The following CSGALNACT1 variants were observed in gnomAD, a reference collection of about 807,000 sequenced individuals.
The protein encoded by CSGALNACT1 is beta4GalNAcT-1.
A neutral mutation model predicts 51.0 loss-of-function variants in CSGALNACT1; 52 were observed. The observed-to-expected ratio is 1.02, with a 90% CI of 0.82 to 1.29. The LOEUF is 1.29. Ranked by LOEUF, CSGALNACT1 falls within the 50% of genes most tolerant of loss-of-function variation. The pLI is 0.00. For synonymous variants in CSGALNACT1, 341 were observed against 254.4 expected, an observed-to-expected ratio of 1.34 and a Z score of -3.24; for missense variants, 935 against 679.2, an observed-to-expected ratio of 1.38 and a Z score of -4.19.
intron 1 of CSGALNACT1, among the ~76,000 whole-genome samples, chr8:19,721,982 A>C (rs1000576725): frequency 6.6e-6 from 1 of 151,784 alleles, no homozygotes; most frequent in Non-Finnish European, 1.5e-5. Context: ...TCAGCTCCCA[A>C]TACCTAGTAA....
At chr8:19,524,255 C>A (rs753333382) in intron 3 of CSGALNACT1, among the ~76,000 whole-genome samples, 9 of 152,120 alleles carry the variant, frequency 5.9e-5, no homozygotes, top group Non-Finnish European at 8.8e-5. Context: ...CATCTCACCC[C>A]AGCCTGGGCA....
chr8:19,585,388 T>C (rs1206337714), intron 3 of CSGALNACT1: 1 of 152,214 alleles, frequency 6.6e-6, no homozygotes, highest in Non-Finnish European at 1.5e-5. Context: ...ATCAAAGCAC[T>C]CATGGGCCAC....
chr8:19,467,110 CTTTTTTTT>C (rs10604359), intron 4 of CSGALNACT1, among the ~76,000 whole-genome samples: 6 of 53,288 alleles, frequency 1.1e-4, no homozygotes, highest in African/African-American at 4.3e-4. Flanking sequence ...TAGCAGCTGA[CTTTTTTTT>C]TTTTTTTTTT....
chr8:19,447,073 T>C (rs745896134), intron 5 of CSGALNACT1, among the ~76,000 whole-genome samples: 15 of 152,212 alleles, frequency 9.9e-5, no homozygotes, highest in Non-Finnish European at 1.6e-4. Context: ...GTTATGAATC[T>C]GCACGCCTGC....
At chr8:19,509,924 C>A (rs533225412) in intron 3 of CSGALNACT1, among the ~76,000 whole-genome samples, 14 of 152,154 alleles carry the variant, frequency 9.2e-5, no homozygotes, top group African/African-American at 2.2e-4. Flanking sequence ...AGAAAGGCAC[C>A]CACATTTTTA....
At position 19,666,887 on chromosome 8, in the gene CSGALNACT1, G is replaced by GAAAGAAAGAA. The variant is rs1554794643; in HGVS notation, c.-544+15585_-544+15586insTTCTTTCTTT. Among the ~76,000 whole-genome samples the GAAAGAAAGAA allele has an allele frequency of 5.6e-5, 7 of 125,110 alleles. 1 individual carries two copies. In the East Asian group the frequency reaches 7.5e-4, roughly 13 times the overall value. 82.1% of individuals were successfully genotyped at this position (125,110 alleles called of 152,430 possible). A position where few individuals can be genotyped will look rare whatever the true frequency, so the allele number is the denominator to read the frequency against. ...AAAGAAAGAAAGAAAGAAAGAAAGAGAGAGAGGAAGTGAGGAAGGGAGGAA... is the reference window on the plus strand; with the variant it reads ...AAAGAAAGAAAGAAAGAAAGAAAGAGAAAGAAAGAAAGAGAGGAAGTGAGGAAGGGAGGAA... On this transcript the variant is annotated intron_variant, in intron 1 of 9. Transcript: ENST00000332246.
At chr8:19,720,178 C>G (rs934691971) in intron 1 of CSGALNACT1, among the ~76,000 whole-genome samples, 4 of 152,226 alleles carry the variant, frequency 2.6e-5, no homozygotes, top group African/African-American at 4.8e-5. Context: ...TCTCCTAGCA[C>G]AAGAGAAGTG....
intron 1 of CSGALNACT1, among the ~76,000 whole-genome samples, chr8:19,750,910 G>C (rs1179225370): frequency 6.6e-6 from 1 of 152,072 alleles, no homozygotes; most frequent in Non-Finnish European, 1.5e-5. Flanking sequence ...ACCTTGATCG[G>C]AAGTTAGATG....
intron 3 of CSGALNACT1, among the ~76,000 whole-genome samples, chr8:19,582,791 C>T (rs1296388213): frequency 6.6e-6 from 1 of 152,130 alleles, no homozygotes; most frequent in Non-Finnish European, 1.5e-5. Context: ...AAATCAGTAG[C>T]CCCTGTGTAT....
At chr8:19,583,863 C>A (rs2046092972) in intron 3 of CSGALNACT1, among the ~76,000 whole-genome samples, 1 of 152,210 alleles carries the variant, frequency 6.6e-6, no homozygotes, top group African/African-American at 2.4e-5. Flanking sequence ...CTTCCCAAAT[C>A]TGTTGCCCAC....
chr8:19,631,593 A>C (rs1417249613), intron 1 of CSGALNACT1, among the ~76,000 whole-genome samples: 1 of 152,260 alleles, frequency 6.6e-6, no homozygotes, highest in Non-Finnish European at 1.5e-5. Flanking sequence ...TTGCTGAAGG[A>C]AAGGCTGATA....
chr8:19,555,609 C>G lies in CSGALNACT1; in HGVS notation c.-297+35551G>C, dbSNP rs550237530. On this transcript the variant is annotated intron_variant, in intron 3 of 9. Coordinates refer to ENST00000454498, the Ensembl canonical transcript of CSGALNACT1. ...CTTGACACTGGCTCAACTGGAAACA[C>G]CTGTGAGCATCAAAGCACATCTCTG... 2.0e-5 allele frequency among the ~76,000 whole-genome samples: 3 copies of G among 152,264 alleles called. No individual in the cohort carries two copies. In the South Asian group the frequency reaches 6.2e-4, roughly 32 times the overall value.
upstream of CSGALNACT1, among the ~76,000 whole-genome samples, chr8:19,603,226 C>T (rs962521146): frequency 1.3e-5 from 2 of 152,222 alleles, no homozygotes; most frequent in Non-Finnish European, 2.9e-5. Context: ...CCCAGTTCCT[C>T]CATGGGGATG....
At chr8:19,446,518 T>TTCATTCAC (rs2062144517) in intron 5 of CSGALNACT1, among the ~76,000 whole-genome samples, 1 of 152,110 alleles carries the variant, frequency 6.6e-6, no homozygotes, top group Admixed American at 6.5e-5. Context: ...CATTCATTCA[T>TTCATTCAC]TCATTCACTC....
At chr8:19,684,385 A>T (rs2060850634), upstream of CSGALNACT1, among the ~76,000 whole-genome samples, 1 of 152,212 alleles carries the variant, frequency 6.6e-6, no homozygotes, top group African/African-American at 2.4e-5. Context: ...TCTGCTCCCA[A>T]ACATTCACCA....
Position 19,421,665 on chromosome 8 carries a change from G to A in CSGALNACT1, c.954-1147C>T, listed in dbSNP as rs376933380. ...AGTTTGCATTCCAAGTACCCGTCTC[G>A]GGTAAAGGCCAACGCAAACATAGAG... On this transcript the variant is annotated intron_variant, in intron 6 of 9. Coordinates refer to ENST00000454498, the Ensembl canonical transcript of CSGALNACT1. 6.2e-4 allele frequency among the ~76,000 whole-genome samples: 94 copies of A among 152,298 alleles called. 1 individual carries two copies. The South Asian group carries it at 0.017, about 28-fold the overall frequency.
chr8:19,716,176 G>A (rs1469451596), intron 1 of CSGALNACT1, among the ~76,000 whole-genome samples: 1 of 151,902 alleles, frequency 6.6e-6, no homozygotes, highest in Non-Finnish European at 1.5e-5. Flanking sequence ...TTGTAATCTT[G>A]CTCCCGTCCC....
intron 2 of CSGALNACT1, among the ~76,000 whole-genome samples, chr8:19,596,731 A>G (rs937595274): frequency 6.6e-6 from 1 of 152,198 alleles, no homozygotes; most frequent in Non-Finnish European, 1.5e-5. Flanking sequence ...AGCTCAAACC[A>G]TGAACTCTAA....
At chr8:19,708,850 C>T (rs1324265393) in intron 1 of CSGALNACT1, among the ~76,000 whole-genome samples, 6 of 152,128 alleles carry the variant, frequency 3.9e-5, no homozygotes, top group Admixed American at 3.9e-4. Flanking sequence ...AGGTCTGGTG[C>T]CCTCTCTTGT....
Sources: gnomAD v4.1 joint callset for allele counts (sites outside exome capture counted in the v4.1 genomes callset) on GRCh38, gnomAD v4.1.1 for gene constraint, MANE v1.5 for transcripts, NCBI Gene and HGNC (gene_info 2026-07-23, HGNC 2026-07-21) for gene names.